The following FUT8 variants were observed in gnomAD, a reference collection of about 807,000 sequenced individuals.
FUT8 encodes the protein alpha-(1,6)-fucosyltransferase.
FUT8 carries 29 observed loss-of-function variants against 71.3 expected under a neutral mutation model. That is an observed-to-expected ratio of 0.41 (90% confidence interval 0.30 to 0.55). The LOEUF is 0.55. FUT8 is among the 20% of genes least tolerant of loss of function. FUT8 has a pLI of 0.34. For synonymous variants in FUT8, 254 were observed against 239.3 expected (o/e 1.06, Z -0.57); for missense variants, 544 against 702.1 (o/e 0.77, Z 2.55).
chr14:65,704,899 A>C (rs1209932302), intron 7 of FUT8, among the ~76,000 whole-genome samples: 1 of 152,218 alleles, frequency 6.6e-6, no homozygotes, highest in Admixed American at 6.5e-5. Context: ...CCCAGAGTTA[A>C]GTCTGTCAGA....
chr14:65,602,341 TCTCACACACACA>T (rs1404591993), intron 3 of FUT8, among the ~76,000 whole-genome samples: 5,848 of 50,006 alleles, frequency 0.12, 463 homozygotes, highest in Middle Eastern at 0.18. Flanking sequence ...GCGTTCCATC[TCTCACACACACA>T]CACACACACA....
At chr14:65,441,900 TA>T (rs990148723) in intron 1 of FUT8, among the ~76,000 whole-genome samples, 1 of 151,966 alleles carries the variant, frequency 6.6e-6, no homozygotes, top group Non-Finnish European at 1.5e-5. Flanking sequence ...CTACACTCAT[TA>T]ACTTGTCATT....
chr14:65,445,089 C>A (rs2065718948), intron 1 of FUT8, among the ~76,000 whole-genome samples: 1 of 152,076 alleles, frequency 6.6e-6, no homozygotes, highest in Admixed American at 6.6e-5. Context: ...CGCTTGTAAT[C>A]CCAGCTACTC....
intron 2 of FUT8, among the ~76,000 whole-genome samples, chr14:65,556,711 C>T (rs1045323058): frequency 2.0e-5 from 3 of 152,124 alleles, no homozygotes; most frequent in Non-Finnish European, 2.9e-5. Context: ...TAGAAGCTGC[C>T]TACAACAGCA....
chr14:65,532,925 G>A (rs1884054762), intron 2 of FUT8, among the ~76,000 whole-genome samples: 1 of 152,156 alleles, frequency 6.6e-6, no homozygotes, highest in Admixed American at 6.5e-5. Context: ...TGTAGGCTTT[G>A]TTGAAGATCA....
At chr14:65,661,648 T>A (rs765158133) in intron 6 of FUT8, among the ~76,000 whole-genome samples, 21 of 152,170 alleles carry the variant, frequency 1.4e-4, no homozygotes, top group Non-Finnish European at 2.5e-4. Flanking sequence ...AAAAAAATCA[T>A]TTAATTTATA....
chr14:65,653,490 T>C (rs1179695347), intron 6 of FUT8, among the ~76,000 whole-genome samples: 1 of 152,174 alleles, frequency 6.6e-6, no homozygotes, highest in Non-Finnish European at 1.5e-5. Context: ...TTCTTAAATT[T>C]GGCAAACCTA....
Position 65,476,637 on chromosome 14 carries a change from A to ATTTTTTT in FUT8, c.-228+20947_-228+20953dup, listed in dbSNP as rs200882761. Reference sequence around the variant, plus strand: ...TCAAGTGGTAGAGTTAAAGAAGTAGATTTTTTTTTTTTTTTTTTTTTTTTT... The same window carrying ATTTTTTT: ...TCAAGTGGTAGAGTTAAAGAAGTAGATTTTTTTTTTTTTTTTTTTTTTTTTTTTTTTT... On this transcript the variant is annotated intron_variant, in intron 2 of 10. Transcript: ENST00000673929. 1.6e-4 allele frequency among the ~76,000 whole-genome samples: 20 copies of ATTTTTTT among 125,144 alleles called. 1 individual carries two copies. The highest frequency in any genetic ancestry group is 5.5e-4 in the African/African-American group (18 of 32,478). 82.1% of individuals were successfully genotyped at this position (125,144 alleles called of 152,430 possible). A position where few individuals can be genotyped will look rare whatever the true frequency, so the allele number is the denominator to read the frequency against.
chr14:65,416,318 T>G (rs1382022972), intron 1 of FUT8, among the ~76,000 whole-genome samples: 2 of 151,586 alleles, frequency 1.3e-5, no homozygotes, highest in Non-Finnish European at 2.9e-5. Flanking sequence ...ATGGTACCTT[T>G]TTTTTTTTTT....
In FUT8 at chr14:65,463,864, T is replaced by C. The variant is rs10483777; in HGVS notation, c.-228+8146T>C. Among the ~76,000 whole-genome samples the C allele has an allele frequency of 5.8e-3, 876 of 152,328 alleles. 34 individuals are homozygous for C. In the East Asian group the frequency reaches 0.092, roughly 16 times the overall value. ...ATGAATTGGTAAAGATTGAAAAAGA[T>C]GGTATGGATGTGTTTGAATTATTCA... On this transcript the variant is annotated intron_variant, in intron 2 of 10. Transcript: ENST00000673929.
At chr14:65,611,209 GCGCGCGCGCGCGCGCACACACACACA>G (rs1888905760) in intron 3 of FUT8, among the ~76,000 whole-genome samples, 11 of 6,096 alleles carry the variant, frequency 1.8e-3, no homozygotes, top group South Asian at 6.1e-3. Flanking sequence ...GCGCGCGCGC[GCGCGCGCGCGCGCGCACACACACACA>G]CACACACACA....
At chr14:65,566,212 C>G (rs1886186290) in intron 3 of FUT8, among the ~76,000 whole-genome samples, 1 of 151,938 alleles carries the variant, frequency 6.6e-6, no homozygotes, top group African/African-American at 2.4e-5. Flanking sequence ...AGATTTCTTA[C>G]ATGGTAGTGT....
intron 1 of FUT8, among the ~76,000 whole-genome samples, chr14:65,421,473 A>G (rs993100860): frequency 3.3e-5 from 5 of 152,044 alleles, no homozygotes; most frequent in Non-Finnish European, 5.9e-5. Flanking sequence ...ACATTTCCAT[A>G]TGGTACCAAT....
At chr14:65,658,970 T>C (rs1225304987) in intron 6 of FUT8, among the ~76,000 whole-genome samples, 1 of 152,142 alleles carries the variant, frequency 6.6e-6, no homozygotes, top group Non-Finnish European at 1.5e-5. Flanking sequence ...TTAAGTAATA[T>C]GTTCTCCTTG....
intron 2 of FUT8, among the ~76,000 whole-genome samples, chr14:65,548,693 C>T (rs559446390): frequency 4.5e-4 from 68 of 151,846 alleles, no homozygotes; most frequent in Non-Finnish European, 7.5e-4. Flanking sequence ...GTACCAAAAC[C>T]ACAGTCTATA....
chr14:65,576,115 T>C (rs1362014974), intron 3 of FUT8, among the ~76,000 whole-genome samples: 1 of 152,230 alleles, frequency 6.6e-6, no homozygotes, highest in Non-Finnish European at 1.5e-5. Flanking sequence ...CTGCTTTTTT[T>C]GGTTTGCTTA....
intron 3 of FUT8, among the ~76,000 whole-genome samples, chr14:65,585,388 T>G (rs1202226178): frequency 6.6e-6 from 1 of 152,124 alleles, no homozygotes; most frequent in African/African-American, 2.4e-5. Context: ...GATCTTGCCA[T>G]GTTGCTCAGG....
intron 2 of FUT8, among the ~76,000 whole-genome samples, chr14:65,475,483 T>C (rs886113105): frequency 1.3e-5 from 2 of 152,152 alleles, no homozygotes; most frequent in African/African-American, 4.8e-5. Context: ...ATGATGCCTG[T>C]AATCCCAGCA....
chr14:65,391,949 T>C, the FUT8 span, among the ~76,000 whole-genome samples: 1 of 152,182 alleles, frequency 6.6e-6, no homozygotes, highest in Non-Finnish European at 1.5e-5. Flanking sequence ...TGTTTTGTTT[T>C]GAGATGGAGT....
Sources: allele counts gnomAD v4.1 joint callset (sites outside exome capture counted in the v4.1 genomes callset), GRCh38; gene constraint gnomAD v4.1.1; transcripts MANE v1.5; gene names NCBI Gene and HGNC (gene_info 2026-07-23, HGNC 2026-07-21).